Variants in ADAMTSL1 observed in about 807,000 individuals in gnomAD.
ADAMTSL1 encodes ADAMTS like 1, also known as ADAMTS-like protein 1.
ADAMTSL1 carries 126 observed loss-of-function variants against 201.8 expected under a neutral mutation model. The observed-to-expected ratio is 0.62, with a 90% CI of 0.54 to 0.72. ADAMTSL1 has a LOEUF of 0.72. Ranked by LOEUF, ADAMTSL1 falls within the 30% of genes least tolerant of loss-of-function variation. ADAMTSL1 has a pLI of 0.00. For synonymous variants in ADAMTSL1, 1,121 were observed against 903.4 expected (o/e 1.24, Z -4.32); for missense variants, 2,679 against 2,277.8 (o/e 1.18, Z -3.59).
chr9:17,939,770 C>G (rs1283207709), intron 1 of ADAMTSL1, among the ~76,000 whole-genome samples: 1 of 151,956 alleles, frequency 6.6e-6, no homozygotes, highest in Admixed American at 6.6e-5. Flanking sequence ...CATATGTGAC[C>G]CTGTTCTTGC....
upstream of ADAMTSL1, among the ~76,000 whole-genome samples, chr9:18,473,724 T>G (rs973367175): frequency 4.6e-5 from 7 of 152,196 alleles, no homozygotes; most frequent in Admixed American, 3.3e-4. Context: ...GGGATTAAGT[T>G]TCTCTCCTGA....
chr9:18,733,633 CCA>C (rs1024545495), intron 15 of ADAMTSL1, among the ~76,000 whole-genome samples: 29 of 145,652 alleles, frequency 2.0e-4, no homozygotes, highest in African/African-American at 2.8e-4. Context: ...ACCACTCCCC[CCA>C]CACACACACT....
At chr9:18,634,835 C>CAA (rs201005171) in intron 5 of ADAMTSL1, among the ~76,000 whole-genome samples, 5 of 66,340 alleles carry the variant, frequency 7.5e-5, no homozygotes, top group African/African-American at 2.6e-4. Flanking sequence ...CGAGATTCCT[C>CAA]AAAAAAAAAA....
intron 2 of ADAMTSL1, among the ~76,000 whole-genome samples, chr9:18,225,324 C>A (rs1321743492): frequency 6.6e-6 from 1 of 152,066 alleles, no homozygotes; most frequent in African/African-American, 2.4e-5. Flanking sequence ...TTAACAGAAG[C>A]TTAGACATAA....
Position 18,910,137 on chromosome 9 carries a change from T to G in ADAMTSL1, c.*1589T>G, listed in dbSNP as rs918142236. ...TTTCCAGCCAGCCTGGAAGTAAAAT[T>G]TGAGAGGAAGACAATATTAATCTGT... is the stretch of plus-strand genomic sequence containing the variant. On this transcript the variant is annotated 3_prime_UTR_variant, in exon 29 of 29. Coordinates refer to ENST00000380548, the MANE Select transcript of ADAMTSL1 (RefSeq NM_001040272.6). 1 of 152,222 alleles carries G rather than the reference T, an allele frequency of 6.6e-6. No individual in the cohort carries two copies. The highest frequency in any genetic ancestry group is 1.5e-5 in the Non-Finnish European group (1 of 68,002). 9.4% of individuals were successfully genotyped at this position (152,222 alleles called of 1,614,324 possible).
At chr9:18,016,994 T>C (rs761302576) in intron 1 of ADAMTSL1, among the ~76,000 whole-genome samples, 1 of 152,052 alleles carries the variant, frequency 6.6e-6, no homozygotes, top group East Asian at 1.9e-4. Flanking sequence ...TGTACCCTTA[T>C]TACATCCTCC....
chr9:18,751,348 G>A (rs1355594685), intron 15 of ADAMTSL1, among the ~76,000 whole-genome samples: 1 of 152,220 alleles, frequency 6.6e-6, no homozygotes, highest in Non-Finnish European at 1.5e-5. Context: ...AATAGAAAGT[G>A]CAGAGGCTCT....
chr9:18,744,883 A>G (rs1466655030), intron 15 of ADAMTSL1, among the ~76,000 whole-genome samples: 1 of 152,126 alleles, frequency 6.6e-6, no homozygotes, highest in African/African-American at 2.4e-5. Context: ...ACGTCTCTCC[A>G]TGTGTGTTTG....
intron 2 of ADAMTSL1, among the ~76,000 whole-genome samples, chr9:18,397,269 T>C (rs917267281): frequency 1.3e-5 from 2 of 152,170 alleles, no homozygotes; most frequent in Non-Finnish European, 2.9e-5. Flanking sequence ...TCCCATATGA[T>C]ATTATCATCC....
intron 2 of ADAMTSL1, among the ~76,000 whole-genome samples, chr9:18,521,574 T>G (rs1269689925): frequency 6.6e-6 from 1 of 152,088 alleles, no homozygotes. Context: ...GGAACATGTC[T>G]AATTGTTTAG....
At chr9:18,458,726 A>G (rs1820700312) in intron 2 of ADAMTSL1, among the ~76,000 whole-genome samples, 1 of 152,178 alleles carries the variant, frequency 6.6e-6, no homozygotes, top group African/African-American at 2.4e-5. Flanking sequence ...CAATGACAAA[A>G]TCCTGAGTGA....
intron 1 of ADAMTSL1, among the ~76,000 whole-genome samples, chr9:18,110,234 G>C (rs371555632): frequency 6.6e-6 from 1 of 152,164 alleles, no homozygotes; most frequent in Admixed American, 6.5e-5. Context: ...TCTGAGGGCC[G>C]TTGGCTATAG....
At chr9:18,588,108 TCTTA>T (rs1357731809) in intron 4 of ADAMTSL1, among the ~76,000 whole-genome samples, 1 of 152,182 alleles carries the variant, frequency 6.6e-6, no homozygotes, top group Non-Finnish European at 1.5e-5. Flanking sequence ...CAAGTGTTTC[TCTTA>T]CTTTGCATCC....
At chr9:18,000,352 C>A (rs976222122) in intron 1 of ADAMTSL1, among the ~76,000 whole-genome samples, 1 of 151,820 alleles carries the variant, frequency 6.6e-6, no homozygotes, top group Non-Finnish European at 1.5e-5. Context: ...TCTTTCCTTC[C>A]CCCCAACATA....
intron 23 of ADAMTSL1, among the ~76,000 whole-genome samples, chr9:18,859,035 A>G (rs957878523): frequency 6.6e-6 from 1 of 152,220 alleles, no homozygotes; most frequent in African/African-American, 2.4e-5. Flanking sequence ...ATGAAATACT[A>G]TTTGCCATAA....
chr9:18,323,397 G>C (rs1198582327), intron 2 of ADAMTSL1, among the ~76,000 whole-genome samples: 1 of 152,122 alleles, frequency 6.6e-6, no homozygotes, highest in Non-Finnish European at 1.5e-5. Flanking sequence ...AAATCGGATA[G>C]ACAGCATATA....
At chr9:18,345,479 AG>A (rs2132990282) in intron 2 of ADAMTSL1, among the ~76,000 whole-genome samples, 1 of 152,310 alleles carries the variant, frequency 6.6e-6, no homozygotes, top group African/African-American at 2.4e-5. Flanking sequence ...CATCACGTGT[AG>A]GAATGCTATG....
chr9:18,196,928 C>T (rs907764894), intron 2 of ADAMTSL1, among the ~76,000 whole-genome samples: 1 of 152,098 alleles, frequency 6.6e-6, no homozygotes, highest in Non-Finnish European at 1.5e-5. Flanking sequence ...CAGAACTGTA[C>T]TACCTAGAGT....
At chr9:18,371,599 C>T (rs1837045520) in intron 2 of ADAMTSL1, among the ~76,000 whole-genome samples, 1 of 152,110 alleles carries the variant, frequency 6.6e-6, no homozygotes, top group Admixed American at 6.6e-5. Context: ...TATTGTTAAA[C>T]ACAAAAGGAT....
Sources: gnomAD v4.1 joint callset for allele counts (sites outside exome capture counted in the v4.1 genomes callset) on GRCh38, gnomAD v4.1.1 for gene constraint, MANE v1.5 for transcripts, NCBI Gene and HGNC (gene_info 2026-07-23, HGNC 2026-07-21) for gene names.